Variants in UBR3 observed in about 807,000 individuals in gnomAD.
UBR3 encodes ubiquitin protein ligase E3 component n-recognin 3, also known as E3 ubiquitin-protein ligase UBR3.
In UBR3, 85 loss-of-function variants were observed where a neutral mutation model predicts 243.2. The observed-to-expected ratio is 0.35, with a 90% CI of 0.29 to 0.42. The LOEUF is 0.42. UBR3 is among the 10% of genes least tolerant of loss of function. The pLI is 1.00. For missense variants in UBR3, 1,686 were observed against 2,300.8 expected (o/e 0.73, Z 5.47); for synonymous variants, 748 against 799.8 (o/e 0.94, Z 1.09).
chr2:169,903,738 G>C (rs1190936716), intron 8 of UBR3, among the ~76,000 whole-genome samples: 1 of 152,138 alleles, frequency 6.6e-6, no homozygotes, highest in Non-Finnish European at 1.5e-5. Flanking sequence ...TAAAAAATAT[G>C]AGCCGGGTGT....
chr2:169,869,224 T>TG (rs2083358278), intron 1 of UBR3, among the ~76,000 whole-genome samples: 1 of 139,660 alleles, frequency 7.2e-6, no homozygotes, highest in Non-Finnish European at 1.6e-5. Flanking sequence ...AGGTTTTTTT[T>TG]TTTTTTTTTT....
At chr2:169,844,591 T>C (rs2082405906) in intron 1 of UBR3, among the ~76,000 whole-genome samples, 1 of 151,276 alleles carries the variant, frequency 6.6e-6, no homozygotes, top group Non-Finnish European at 1.5e-5. Flanking sequence ...CCTCCTGGGT[T>C]CAAGCGATTC....
Position 169,963,634 on chromosome 2 carries a change from T to C in UBR3, c.3634+5108T>C, listed in dbSNP as rs372580726. On this transcript the variant is annotated intron_variant, in intron 24 of 38. Coordinates refer to ENST00000272793, the MANE Select transcript of UBR3 (RefSeq NM_172070.4). ...AGTTAATTTTTTATAACAAAAGCAC[T>C]AAATTTTTTATTAAAAGTTAGAAAA... Among the ~76,000 whole-genome samples, 132 of 152,286 alleles carry C rather than the reference T, an allele frequency of 8.7e-4. 1 individual carries two copies. In the South Asian group the frequency reaches 0.013, roughly 15 times the overall value.
At chr2:169,871,947 A>G (rs1253889157) in intron 1 of UBR3, among the ~76,000 whole-genome samples, 1 of 152,070 alleles carries the variant, frequency 6.6e-6, no homozygotes, top group Non-Finnish European at 1.5e-5. Flanking sequence ...TGGTACCTGA[A>G]AGTAATAAAT....
chr2:170,068,571 A>T (rs1214564838), intron 35 of UBR3, among the ~76,000 whole-genome samples: 2 of 152,208 alleles, frequency 1.3e-5, no homozygotes, highest in Non-Finnish European at 2.9e-5. Context: ...AGCAAATTAG[A>T]CCTGAAGCAA....
chr2:169,991,622 A>T (rs2089277078), intron 25 of UBR3, among the ~76,000 whole-genome samples: 1 of 152,166 alleles, frequency 6.6e-6, no homozygotes. Flanking sequence ...TCACTCTGTC[A>T]TGCAGGCTGG....
intron 1 of UBR3, among the ~76,000 whole-genome samples, chr2:169,842,664 C>T (rs371524818): frequency 3.3e-5 from 5 of 152,050 alleles, no homozygotes; most frequent in African/African-American, 4.8e-5. Context: ...TAACACTCAC[C>T]GTGAAGGTCT....
chr2:169,878,384 C>A, intron 4 of UBR3, 141 bp from the exon 5 acceptor site: 3 of 672,786 alleles, frequency 4.5e-6, no homozygotes, highest in Non-Finnish European at 7.2e-6. Context: ...AAAAGTTGGA[C>A]TTTGCCAAGA....
chr2:169,872,866 G>A (rs981197311), intron 2 of UBR3, among the ~76,000 whole-genome samples: 3 of 151,934 alleles, frequency 2.0e-5, no homozygotes, highest in African/African-American at 7.3e-5. Flanking sequence ...GAATATATGG[G>A]TGTGTAATCA....
chr2:170,022,342 A>C (rs1455711254), intron 30 of UBR3, among the ~76,000 whole-genome samples: 3 of 152,176 alleles, frequency 2.0e-5, no homozygotes, highest in Admixed American at 2.0e-4. Flanking sequence ...CACAACATGG[A>C]AAGTATGAAA....
rs143517510 is a variant in UBR3 at position 169,927,047 on chromosome 2, G to C, written c.2338+76G>C. On this transcript the variant is annotated intron_variant, in intron 16 of 38. Coordinates refer to ENST00000272793, the MANE Select transcript of UBR3 (RefSeq NM_172070.4). ...CTCCCCCTCCCTGTGGTAGTAACTG[G>C]CTTAGGGAAAAAAGGAAAGGATGTA... 984 of 1,476,558 alleles carry C rather than the reference G, an allele frequency of 6.7e-4. 2 individuals carry two copies. The East Asian group carries it at 0.011, about 16-fold the overall frequency. 91.5% of individuals were successfully genotyped at this position (1,476,558 alleles called of 1,614,324 possible).
intron 23 of UBR3, among the ~76,000 whole-genome samples, chr2:169,957,488 C>G (rs780567284): frequency 6.8e-6 from 1 of 147,970 alleles, no homozygotes; most frequent in Admixed American, 7.0e-5. Flanking sequence ...TGCATGTTCT[C>G]ACTCATAGGT....
At chr2:169,968,065 A>G (rs888699294) in intron 24 of UBR3, among the ~76,000 whole-genome samples, 2 of 152,072 alleles carry the variant, frequency 1.3e-5, no homozygotes, top group African/African-American at 4.8e-5. Flanking sequence ...TTTTAAAAAA[A>G]TTTAATATTT....
chr2:170,022,071 G>A (rs1331666176), intron 30 of UBR3, among the ~76,000 whole-genome samples: 1 of 152,114 alleles, frequency 6.6e-6, no homozygotes, highest in Non-Finnish European at 1.5e-5. Flanking sequence ...TAAAGAGGAA[G>A]TTAGGAGTCC....
chr2:169,851,852 A>AAAC (rs1363310312), intron 1 of UBR3, among the ~76,000 whole-genome samples: 1 of 150,922 alleles, frequency 6.6e-6, no homozygotes. Flanking sequence ...AAAAAAAAAA[A>AAAC]AACAACAGTT....
At chr2:169,954,230 CTTCTT>C (rs2087168588) in intron 23 of UBR3, among the ~76,000 whole-genome samples, 1 of 148,956 alleles carries the variant, frequency 6.7e-6, no homozygotes, top group African/African-American at 2.5e-5. Context: ...CTTGTCTTCT[CTTCTT>C]AATTCATTTC....
chr2:169,918,600 G>T (rs549270553), intron 11 of UBR3, among the ~76,000 whole-genome samples: 1 of 152,150 alleles, frequency 6.6e-6, no homozygotes, highest in South Asian at 2.1e-4. Flanking sequence ...GAGATTACAG[G>T]TGTGAGCCAT....
intron 24 of UBR3, among the ~76,000 whole-genome samples, chr2:169,963,341 T>G (rs2087666177): frequency 1.3e-5 from 2 of 152,188 alleles, no homozygotes; most frequent in Admixed American, 6.5e-5. Flanking sequence ...TTCTTCCTTT[T>G]CTGTAACTTT....
chr2:169,890,549 A>ATG (rs1553504463), intron 5 of UBR3, among the ~76,000 whole-genome samples: 3 of 59,266 alleles, frequency 5.1e-5, no homozygotes, highest in East Asian at 4.3e-4. Flanking sequence ...AGATATATAT[A>ATG]TATATATATA....
Sources: allele counts gnomAD v4.1 joint callset (sites outside exome capture counted in the v4.1 genomes callset), GRCh38; gene constraint gnomAD v4.1.1; transcripts MANE v1.5; gene names NCBI Gene and HGNC (gene_info 2026-07-23, HGNC 2026-07-21).